ADARB2: variants seen among roughly 807,000 people sequenced by gnomAD.
ADARB2 encodes the protein inactive double-stranded RNA-specific editase B2.
A neutral mutation model predicts 62.2 loss-of-function variants in ADARB2; 25 were observed. That is an observed-to-expected ratio of 0.40 (90% CI 0.29 to 0.56). The LOEUF (loss-of-function observed/expected upper bound fraction) is 0.56, where lower values mean the gene tolerates loss of function less well. Ranked by LOEUF, ADARB2 falls within the 20% of genes least tolerant of loss-of-function variation. The pLI, the probability that ADARB2 is intolerant of heterozygous loss-of-function variation, is 0.43. For synonymous variants in ADARB2, 572 were observed against 500.8 expected, an observed-to-expected ratio of 1.14 and a Z score of -1.90; for missense variants, 1,071 against 1,077.4, an observed-to-expected ratio of 0.99 and a Z score of 0.08.
chr10:1,725,149 C>T (rs1835147624), intron 1 of ADARB2, among the ~76,000 whole-genome samples: 1 of 152,202 alleles, frequency 6.6e-6, no homozygotes, highest in South Asian at 2.1e-4. Context: ...ACATGTCCTC[C>T]CTGCATCGTG....
chr10:1,198,181 G>A (rs888445883), intron 8 of ADARB2, among the ~76,000 whole-genome samples: 1 of 152,190 alleles, frequency 6.6e-6, no homozygotes, highest in South Asian at 2.1e-4. Flanking sequence ...TATGCATCCC[G>A]TGACTGTGTG....
chr10:1,221,402 C>CT lies in ADARB2; in HGVS notation c.1514-4284dup, dbSNP rs67387944. Among the ~76,000 whole-genome samples the CT allele has an allele frequency of 4.4e-3, 636 of 145,744 alleles. 2 individuals are homozygous for CT. Among genetic ancestry groups the CT allele is most frequent in the Non-Finnish European group, 6.1e-3 (400 of 65,902 alleles). ...AAGGATAGTTTTTAGATGCTCATTT[C>CT]TTTTTTTTTTTTAATTTTATTATTA... On this transcript the variant is annotated intron_variant, in intron 6 of 9. Coordinates refer to ENST00000381312, the MANE Select transcript of ADARB2 (RefSeq NM_018702.4).
At chr10:1,733,152 C>T (rs537784297) in intron 1 of ADARB2, among the ~76,000 whole-genome samples, 1 of 152,214 alleles carries the variant, frequency 6.6e-6, no homozygotes, top group East Asian at 1.9e-4. Context: ...GCCAGTCACC[C>T]CTGAAGCCCC....
At chr10:1,716,344 C>G (rs1835016730) in intron 1 of ADARB2, among the ~76,000 whole-genome samples, 1 of 152,164 alleles carries the variant, frequency 6.6e-6, no homozygotes, top group Non-Finnish European at 1.5e-5. Flanking sequence ...TGTGAAAGAT[C>G]TAAAAAGAGC....
intron 1 of ADARB2, among the ~76,000 whole-genome samples, chr10:1,687,988 A>T (rs1160426032): frequency 1.3e-5 from 2 of 152,254 alleles, no homozygotes; most frequent in African/African-American, 4.8e-5. Flanking sequence ...CTCTGAGCAG[A>T]TGGCACTTTG....
At chr10:1,600,923 C>G (rs1244588312) in intron 1 of ADARB2, among the ~76,000 whole-genome samples, 1 of 152,174 alleles carries the variant, frequency 6.6e-6, no homozygotes, top group Non-Finnish European at 1.5e-5. Flanking sequence ...CAGCACGCAG[C>G]TCCTCAAGGC....
chr10:1,345,208 C>T (rs1299277956), intron 3 of ADARB2, among the ~76,000 whole-genome samples: 7 of 152,156 alleles, frequency 4.6e-5, no homozygotes, highest in African/African-American at 2.4e-5. Flanking sequence ...GAGGCCTCGT[C>T]AGACCCAGAA....
chr10:1,616,841 T>C (rs1435919470), intron 1 of ADARB2, among the ~76,000 whole-genome samples: 1 of 142,232 alleles, frequency 7.0e-6, no homozygotes, highest in Non-Finnish European at 1.5e-5. Flanking sequence ...CCAGACACAC[T>C]CCACACCGCC....
chr10:1,636,157 G>T (rs183582795), intron 1 of ADARB2, among the ~76,000 whole-genome samples: 2 of 152,118 alleles, frequency 1.3e-5, no homozygotes, highest in Non-Finnish European at 2.9e-5. Flanking sequence ...AGTTGAGGGG[G>T]GTGCAAGACA....
Position 1,440,269 on chromosome 10 carries a change from C to T in ADARB2, c.101-61109G>A, listed in dbSNP as rs74613345. Among the ~76,000 whole-genome samples, 109 of 152,304 alleles carry T rather than the reference C, an allele frequency of 7.2e-4. 3 individuals are homozygous for T. In the East Asian group the frequency reaches 0.02, roughly 28 times the overall value. Reference sequence around the variant, plus strand: ...GACAAGCTGAGCAGCACCTGGGCTCCGAGACAGCCTGGATTCCAAACTGAA... The same window carrying T: ...GACAAGCTGAGCAGCACCTGGGCTCTGAGACAGCCTGGATTCCAAACTGAA... On this transcript the variant is annotated intron_variant, in intron 1 of 9. Coordinates refer to ENST00000381312, the MANE Select transcript of ADARB2 (RefSeq NM_018702.4).
At chr10:1,352,085 T>C (rs982184759) in intron 3 of ADARB2, among the ~76,000 whole-genome samples, 3 of 151,980 alleles carry the variant, frequency 2.0e-5, no homozygotes, top group Non-Finnish European at 4.4e-5. Flanking sequence ...TTACCTGGGC[T>C]GTACTGCCGC....
At chr10:1,500,798 A>G (rs1431858764) in intron 1 of ADARB2, among the ~76,000 whole-genome samples, 3 of 152,212 alleles carry the variant, frequency 2.0e-5, no homozygotes, top group Admixed American at 6.5e-5. Flanking sequence ...TAAAAACAAA[A>G]CACTTGTTCT....
intron 4 of ADARB2, among the ~76,000 whole-genome samples, chr10:1,248,621 A>G (rs558127668): frequency 2.0e-5 from 3 of 152,242 alleles, no homozygotes; most frequent in Non-Finnish European, 2.9e-5. Context: ...TGTGGTGCCA[A>G]CAGCATTTAC....
chr10:1,230,980 G>C (rs753631906), intron 6 of ADARB2, among the ~76,000 whole-genome samples: 2 of 152,174 alleles, frequency 1.3e-5, no homozygotes, highest in African/African-American at 4.8e-5. Context: ...CTCGGAGAAC[G>C]TATTTGTTTT....
At chr10:1,198,080 T>A (rs7087154) in intron 8 of ADARB2, among the ~76,000 whole-genome samples, 5 of 152,060 alleles carry the variant, frequency 3.3e-5, no homozygotes, top group Non-Finnish European at 7.4e-5. Context: ...GTTTGAGACA[T>A]CCTCGAAATG....
intron 2 of ADARB2, among the ~76,000 whole-genome samples, chr10:1,371,665 G>GA (rs951232229): frequency 2.8e-4 from 42 of 148,568 alleles, no homozygotes; most frequent in African/African-American, 1.0e-3. Flanking sequence ...TTTCTCAAAA[G>GA]AAAAAATATA....
Position 1,452,915 on chromosome 10 carries a change from A to C in ADARB2, c.101-73755T>G, listed in dbSNP as rs1831056681. On this transcript the variant is annotated intron_variant, in intron 1 of 9. Transcript: ENST00000381312. ...CAGTGGCTCTCCACATCAGTGTGTG[A>C]CAGTCACCAGGCTTTGTCACAATGC... Among the ~76,000 whole-genome samples, 4 of 152,338 alleles carry C rather than the reference A, an allele frequency of 2.6e-5. No homozygotes were observed. In the South Asian group the frequency reaches 8.3e-4, roughly 32 times the overall value.
intron 1 of ADARB2, among the ~76,000 whole-genome samples, chr10:1,654,205 G>T (rs1834148037): frequency 6.6e-6 from 1 of 152,194 alleles, no homozygotes. Context: ...GAATCAGTCA[G>T]TAGCAACCTG....
chr10:1,220,391 ATGGTGATTGTGG>A (rs1334644632), intron 6 of ADARB2, among the ~76,000 whole-genome samples: 1 of 150,788 alleles, frequency 6.6e-6, no homozygotes, highest in African/African-American at 2.4e-5. Flanking sequence ...GGTGGTGATG[ATGGTGATTGTGG>A]TGGTGATGAT....
Sources: allele counts gnomAD v4.1 joint callset (sites outside exome capture counted in the v4.1 genomes callset), GRCh38; gene constraint gnomAD v4.1.1; transcripts MANE v1.5; gene names NCBI Gene and HGNC (gene_info 2026-07-23, HGNC 2026-07-21).